Variants in GFOD2 observed in about 807,000 individuals in gnomAD.
GFOD2 encodes glucose-fructose oxidoreductase domain-containing protein 2.
In GFOD2, 9 loss-of-function variants were observed where a neutral mutation model predicts 24.6. That is an observed-to-expected ratio of 0.37 (90% CI 0.22 to 0.64). The LOEUF is 0.64. Among genes scored for constraint, GFOD2 ranks in the 30% least tolerant of loss-of-function variants. The pLI, the probability that GFOD2 is intolerant of heterozygous loss-of-function variation, is 0.65. For missense variants in GFOD2, 476 were observed against 532.5 expected, an observed-to-expected ratio of 0.89 and a Z score of 1.04; for synonymous variants, 211 against 224.8, an observed-to-expected ratio of 0.94 and a Z score of 0.55.
rs112925573 is a variant in GFOD2 at position 67,688,545 on chromosome 16, T to C, written c.-87-2743A>G. On this transcript the variant is annotated intron_variant, in intron 1 of 2. Coordinates refer to ENST00000268797, the MANE Select transcript of GFOD2 (RefSeq NM_030819.4). ...ATGAGATGTAGGTGTGCTCAGAATA[T>C]CAGGGTTCCCCATCCAACATTTCCC... Among the ~76,000 whole-genome samples the C allele has an allele frequency of 3.3e-3, 501 of 152,242 alleles. 1 individual carries two copies. Among genetic ancestry groups the C allele is most frequent in the Middle Eastern group, 0.014 (4 of 294 alleles).
chr16:67,694,050 A>C (rs2053337887), intron 1 of GFOD2, among the ~76,000 whole-genome samples: 2 of 151,890 alleles, frequency 1.3e-5, no homozygotes, highest in African/African-American at 4.8e-5. Context: ...GCAGTGGTGC[A>C]ATCTTGGCTC....
Position 67,705,872 on chromosome 16 carries a change from G to A in GFOD2, c.-88+13291C>T, listed in dbSNP as rs552415131. On this transcript the variant is annotated intron_variant, in intron 1 of 2. Transcript: ENST00000268797. ...CGAGAATCACTTGAACCTGGGAGGCGGAGGTTGCAGTGAGCCGAGATCACG... is the reference window on the plus strand; with the variant it reads ...CGAGAATCACTTGAACCTGGGAGGCAGAGGTTGCAGTGAGCCGAGATCACG... 2.4e-3 allele frequency among the ~76,000 whole-genome samples: 368 copies of A among 151,326 alleles called. 2 individuals are homozygous for A. The highest frequency in any genetic ancestry group is 2.8e-3 in the Non-Finnish European group (193 of 67,820).
chr16:67,679,914 A>AC (rs1190321946), intron 2 of GFOD2, among the ~76,000 whole-genome samples: 2 of 151,840 alleles, frequency 1.3e-5, no homozygotes, highest in East Asian at 1.9e-4. Context: ...AACAACAACA[A>AC]AAAAAAACAG....
At chr16:67,718,050 G>A (rs905656503) in intron 1 of GFOD2, among the ~76,000 whole-genome samples, 2 of 152,144 alleles carry the variant, frequency 1.3e-5, no homozygotes, top group African/African-American at 4.8e-5. Context: ...TTGTTCTCTA[G>A]TGTAGCTTTC....
At chr16:67,700,560 A>C (rs973874499) in intron 1 of GFOD2, among the ~76,000 whole-genome samples, 1 of 150,518 alleles carries the variant, frequency 6.6e-6, no homozygotes, top group Non-Finnish European at 1.5e-5. Flanking sequence ...AAAAATACAA[A>C]AATTAGCCAG....
chr16:67,694,469 T>A (rs1387265609), intron 1 of GFOD2, among the ~76,000 whole-genome samples: 1 of 152,096 alleles, frequency 6.6e-6, no homozygotes, highest in African/African-American at 2.4e-5. Flanking sequence ...TTTTTTTTAA[T>A]TTTATTTTAA....
intron 1 of GFOD2, among the ~76,000 whole-genome samples, chr16:67,706,334 A>T (rs541887707): frequency 1.3e-5 from 2 of 152,276 alleles, no homozygotes; most frequent in Non-Finnish European, 2.9e-5. Flanking sequence ...CTGGGCTTTT[A>T]AAAAGAGCCA....
intron 1 of GFOD2, among the ~76,000 whole-genome samples, chr16:67,716,543 C>A (rs115019905): frequency 2.0e-5 from 3 of 152,160 alleles, no homozygotes; most frequent in Non-Finnish European, 4.4e-5. Flanking sequence ...TTTGTGCCCA[C>A]GTTCAAAACA....
chr16:67,702,888 G>A (rs2053413188), intron 1 of GFOD2, among the ~76,000 whole-genome samples: 2 of 151,932 alleles, frequency 1.3e-5, no homozygotes, highest in Admixed American at 1.3e-4. Context: ...GTAAGACACT[G>A]CGCCCGGCCA....
intron 1 of GFOD2, among the ~76,000 whole-genome samples, chr16:67,688,828 G>A (rs1319881527): frequency 1.4e-5 from 2 of 147,834 alleles, no homozygotes; most frequent in Admixed American, 6.9e-5. Flanking sequence ...TCCGCCTCCC[G>A]GGTTCACGCC....
At chr16:67,693,130 T>C (rs774959971) in intron 1 of GFOD2, among the ~76,000 whole-genome samples, 6 of 152,112 alleles carry the variant, frequency 3.9e-5, no homozygotes, top group Non-Finnish European at 8.8e-5. Context: ...GTGACAGATA[T>C]ATGTACCTCT....
intron 1 of GFOD2, among the ~76,000 whole-genome samples, chr16:67,691,642 C>T (rs932878651): frequency 6.6e-6 from 1 of 151,946 alleles, no homozygotes; most frequent in South Asian, 2.1e-4. Flanking sequence ...TAAATCTTTT[C>T]TGACTGTACC....
chr16:67,718,278 T>C (rs1458306711), intron 1 of GFOD2, among the ~76,000 whole-genome samples: 1 of 152,236 alleles, frequency 6.6e-6, no homozygotes, highest in African/African-American at 2.4e-5. Flanking sequence ...GCCCTAGTTC[T>C]TTCTGGACAT....
chr16:67,705,577 TG>T (rs2053433408), intron 1 of GFOD2, among the ~76,000 whole-genome samples: 1 of 152,168 alleles, frequency 6.6e-6, no homozygotes, highest in Non-Finnish European at 1.5e-5. Flanking sequence ...TTAGCAGCAG[TG>T]AGCTAGCTCT....
chr16:67,682,021 ATGTTT>A (rs1468081877), intron 2 of GFOD2: 6 of 321,082 alleles, frequency 1.9e-5, no homozygotes, highest in African/African-American at 2.3e-5. Context: ...CTCTACAAAA[ATGTTT>A]TCTTTTTACT....
intron 1 of GFOD2, among the ~76,000 whole-genome samples, chr16:67,689,047 G>GT (rs1189549772): frequency 1.0e-3 from 117 of 115,122 alleles, no homozygotes; most frequent in East Asian, 4.6e-3. Context: ...CCTACTTTTT[G>GT]TTTTTTTTTT....
In GFOD2 at chr16:67,674,768, A is replaced by G. The variant is rs1240704461; in HGVS notation, c.*387T>C. 5.6e-6 allele frequency: 1 copy of G among 178,010 alleles called. No homozygotes were observed. Among genetic ancestry groups the G allele is most frequent in the African/African-American group, 2.4e-5 (1 of 42,228 alleles). The allele number at this position is 178,010 out of a possible 1,614,324, so 11.0% of individuals were successfully genotyped here. Reference sequence around the variant, plus strand: ...TGAGATGCCCCAGCCCAAGAACGAAACAAAACTTCTCATCATTTCTCCTCA... The same window carrying G: ...TGAGATGCCCCAGCCCAAGAACGAAGCAAAACTTCTCATCATTTCTCCTCA... On this transcript the variant is annotated 3_prime_UTR_variant, in exon 3 of 3. Transcript: ENST00000268797.
intron 2 of GFOD2, chr16:67,683,020 G>A (rs1225475338): frequency 3.6e-6 from 1 of 277,762 alleles, no homozygotes; most frequent in African/African-American, 2.3e-5. Context: ...AAGCTGGAGT[G>A]CATGATCACT....
rs778060035 is a variant in GFOD2, at chr16:67,675,576, G to T, written c.737C>A (p.Ala246Asp). 1.1e-5 allele frequency: 17 copies of T among 1,613,482 alleles called. No homozygotes were observed. The highest frequency in any genetic ancestry group is 4.5e-5 in the East Asian group (2 of 44,888). The change falls in exon 3 of 3, where the codon GCC (alanine) becomes GAC (aspartate). Residue 246 changes from alanine to aspartate, a missense_variant. Physicochemically the swap from Ala to Asp is moderately radical, Grantham distance 126 (BLOSUM62 -2). Transcript: ENST00000268797. ...TVTLNFNMPGAFVHEVMVVGS... is the reference protein window; with the variant it reads ...TVTLNFNMPGDFVHEVMVVGS... ...TACCACCATGACTTCATGCACAAAG[G>T]CGCCTGGCATGTTGAAGTTGAGTGT...
Sources: gnomAD v4.1 joint callset for allele counts (sites outside exome capture counted in the v4.1 genomes callset) on GRCh38, gnomAD v4.1.1 for gene constraint, MANE v1.5 for transcripts, NCBI Gene and HGNC (gene_info 2026-07-23, HGNC 2026-07-21) for gene names.